Variants in NOS1 observed in about 807,000 individuals in gnomAD.
The protein encoded by NOS1 is NOS type I.
Under a neutral mutation model 164.5 loss-of-function variants are expected in NOS1, and 51 were observed. That is an observed-to-expected ratio of 0.31 (90% confidence interval 0.25 to 0.39). The LOEUF is 0.39. Among genes scored for constraint, NOS1 ranks in the 10% least tolerant of loss-of-function variants. The pLI, the probability that NOS1 is intolerant of heterozygous loss-of-function variation, is 1.00. For synonymous variants in NOS1, 719 were observed against 745.8 expected, an observed-to-expected ratio of 0.96 and a Z score of 0.59; for missense variants, 1,362 against 1,885.6, an observed-to-expected ratio of 0.72 and a Z score of 5.14.
At position 117,217,732 on chromosome 12, in the gene NOS1, G is replaced by A. The variant is rs143963054; in HGVS notation, c.4289+314C>T. 1.2e-3 allele frequency among the ~76,000 whole-genome samples: 187 copies of A among 151,784 alleles called. 1 individual carries two copies. The East Asian group carries it at 0.026, about 21-fold the overall frequency. On this transcript the variant is annotated intron_variant, in intron 28 of 28. Coordinates refer to ENST00000317775, the MANE Select transcript of NOS1 (RefSeq NM_000620.5). ...AAAAAAAAGCAACTTCCCAGAGGTA[G>A]GAGCCATCATTACACTAGGGGGTGC...
chr12:117,359,937 A>G (rs1305174522), intron 1 of NOS1, among the ~76,000 whole-genome samples: 4 of 66,668 alleles, frequency 6.0e-5, no homozygotes, highest in Non-Finnish European at 9.5e-5. Flanking sequence ...TATATATATC[A>G]GCAACACTTC....
At chr12:117,221,130 T>C (rs906797085) in intron 26 of NOS1, among the ~76,000 whole-genome samples, 2 of 146,028 alleles carry the variant, frequency 1.4e-5, no homozygotes, top group Non-Finnish European at 1.5e-5. Context: ...TTAAATTTAT[T>C]TTTATTTATT....
chr12:117,223,222 G>A (rs1014930273), intron 25 of NOS1, among the ~76,000 whole-genome samples: 4 of 151,892 alleles, frequency 2.6e-5, no homozygotes, highest in African/African-American at 9.7e-5. Flanking sequence ...GGAGCTAGAC[G>A]GCCTGGTTGA....
In NOS1 at chr12:117,218,071, C is replaced by G. The variant is rs201476356; in HGVS notation, c.4264G>C (p.Glu1422Gln). ...RLRSESIAFI[E>Q]ESKKDTDEVF... ...TCATCGGTGTCTTTTTTGCTCTCTT[C>G]AATGAAGGCAATGGACTCAGATCTA... The change falls in exon 28 of 29, where the codon GAA (glutamate) becomes CAA (glutamine). Residue 1422 changes from glutamate to glutamine, a missense_variant. Coordinates refer to ENST00000317775, the MANE Select transcript of NOS1 (RefSeq NM_000620.5). 232 of 1,614,004 alleles carry G rather than the reference C, an allele frequency of 1.4e-4. 1 individual carries two copies. In the African/African-American group the frequency reaches 2.8e-3, roughly 20 times the overall value.
At chr12:117,260,702 G>A in intron 13 of NOS1, 93 bp from the exon 14 acceptor site, 1 of 1,364,100 alleles carries the variant, frequency 7.3e-7, no homozygotes, top group South Asian at 1.3e-5. Flanking sequence ...CAGGATCCAT[G>A]AAATATAACA....
chr12:117,319,627 CT>C (rs1874823237), intron 2 of NOS1, among the ~76,000 whole-genome samples: 2 of 152,180 alleles, frequency 1.3e-5, no homozygotes, highest in African/African-American at 4.8e-5. Context: ...GTTAACAGTT[CT>C]GTGGATTTTT....
chr12:117,212,547 T>C lies in NOS1; in HGVS notation c.*2762A>G. 1 of 985,460 alleles carries C rather than the reference T, an allele frequency of 1.0e-6. No homozygotes were observed. Among genetic ancestry groups the C allele is most frequent in the Non-Finnish European group, 1.2e-6 (1 of 829,948 alleles). 61.0% of individuals were successfully genotyped at this position (985,460 alleles called of 1,614,324 possible). On this transcript the variant is annotated 3_prime_UTR_variant, in exon 29 of 29. Coordinates refer to ENST00000317775, the MANE Select transcript of NOS1 (RefSeq NM_000620.5). Reference sequence around the variant, plus strand: ...ATGGCAGGTGAGCATGATGTTCCGGTGTTCCTATTTCAGGAGACGTCTCAT... The same window carrying C: ...ATGGCAGGTGAGCATGATGTTCCGGCGTTCCTATTTCAGGAGACGTCTCAT...
chr12:117,254,267 T>C (rs2682821), intron 16 of NOS1, among the ~76,000 whole-genome samples: 83,346 of 152,000 alleles, frequency 0.55, 25,235 homozygotes, highest in African/African-American at 0.81. Flanking sequence ...GCCAACATGC[T>C]CAGCTAATTT....
rs565345654 is a variant in NOS1 at position 117,291,529 on chromosome 12, C to CTTTTTTT, written c.853-1110_853-1104dup. Among the ~76,000 whole-genome samples the CTTTTTTT allele has an allele frequency of 2.5e-3, 244 of 97,336 alleles. 12 individuals are homozygous for CTTTTTTT. Among genetic ancestry groups the CTTTTTTT allele is most frequent in the East Asian group, 3.5e-3 (10 of 2,842 alleles). The allele number at this position is 97,336 out of a possible 152,430, so 63.9% of individuals were successfully genotyped here. A position where few individuals can be genotyped will look rare whatever the true frequency, so the allele number is the denominator to read the frequency against. On this transcript the variant is annotated intron_variant, in intron 3 of 28. Transcript: ENST00000317775. ...CCTCACTGATAAGGATTACATCTGT[C>CTTTTTTT]TTTTTTTTTTTTTTTTTTTTTTGAG...
In NOS1 at chr12:117,209,896, A is replaced by T. The variant is rs1105026; in HGVS notation, c.*5413T>A. The T allele has an allele frequency of 2.1e-4, 206 of 985,356 alleles. No homozygotes were observed. The highest frequency in any genetic ancestry group is 1.4e-3 in the African/African-American group (80 of 57,274). 61.0% of individuals were successfully genotyped at this position (985,356 alleles called of 1,614,324 possible). ...AAATCCCTGTTCATGGGGAACATCT[A>T]TGTTGACTCCCTGGGAGGCAGGCCC... is the stretch of plus-strand genomic sequence containing the variant. On this transcript the variant is annotated 3_prime_UTR_variant, in exon 29 of 29. Transcript: ENST00000317775.
chr12:117,243,603 CTCCTTCCCTTCT>C lies in NOS1; in HGVS notation c.2824-180_2824-169del, dbSNP rs1870375323. On this transcript the variant is annotated intron_variant, in intron 18 of 28. Coordinates refer to ENST00000317775, the MANE Select transcript of NOS1 (RefSeq NM_000620.5). The surrounding 1 kb of genome is among the most constrained non-coding windows in gnomAD (Gnocchi z 4.3). ...CATCCATCCATCCAGTAACCCTTCC[CTCCTTCCCTTCT>C]TCCTTCCCTTCCTTTCTTCCCTCTA... Among the ~76,000 whole-genome samples, 1 of 134,472 alleles carries C rather than the reference CTCCTTCCCTTCT, an allele frequency of 7.4e-6. No individual in the cohort carries two copies. Among genetic ancestry groups the C allele is most frequent in the Non-Finnish European group, 1.6e-5 (1 of 63,428 alleles). The allele number at this position is 134,472 out of a possible 152,430, so 88.2% of individuals were successfully genotyped here. A position where few individuals can be genotyped will look rare whatever the true frequency, so the allele number is the denominator to read the frequency against.
At chr12:117,229,455 G>A (rs1406179516) in intron 22 of NOS1, among the ~76,000 whole-genome samples, 1 of 151,552 alleles carries the variant, frequency 6.6e-6, no homozygotes, top group Non-Finnish European at 1.5e-5. Flanking sequence ...TCCATTTTCT[G>A]TCACACAGGT....
At chr12:117,312,643 G>A (rs1370969666) in intron 2 of NOS1, among the ~76,000 whole-genome samples, 3 of 150,420 alleles carry the variant, frequency 2.0e-5, no homozygotes, top group Non-Finnish European at 3.0e-5. Flanking sequence ...GGCTGGTCTC[G>A]AACTCCTTGG....
intron 25 of NOS1, among the ~76,000 whole-genome samples, 161 bp from the exon 26 acceptor site, chr12:117,223,024 C>A (rs1421258825): frequency 6.6e-6 from 1 of 152,192 alleles, no homozygotes; most frequent in Non-Finnish European, 1.5e-5. Context: ...CACATGTACA[C>A]AGGTGCTCAC....
intron 4 of NOS1, 87 bp downstream of exon 4, chr12:117,290,211 G>T: frequency 6.6e-7 from 1 of 1,504,340 alleles, no homozygotes; most frequent in East Asian, 2.3e-5. Flanking sequence ...ACAGAGGACA[G>T]CCCCCACAAC....
chr12:117,283,855 CAAAA>C (rs61448842), intron 7 of NOS1, among the ~76,000 whole-genome samples: 5 of 63,712 alleles, frequency 7.8e-5, no homozygotes, highest in African/African-American at 1.3e-4. Context: ...GACTCTGTCT[CAAAA>C]AAAAAAAAAA....
At chr12:117,221,435 C>T (rs921104369) in intron 26 of NOS1, among the ~76,000 whole-genome samples, 15 of 151,830 alleles carry the variant, frequency 9.9e-5, no homozygotes, top group African/African-American at 3.4e-4. Context: ...AAGAATGTGC[C>T]ACCGCGCCCA....
In NOS1 at chr12:117,234,752, T is replaced by C; in HGVS notation, c.3048A>G (p.Ser1016=). 6.2e-7 allele frequency: 1 copy of C among 1,607,582 alleles called. No homozygotes were observed. The highest frequency in any genetic ancestry group is 8.5e-7 in the Non-Finnish European group (1 of 1,175,058). The part of the protein sequence containing the change: ...QNLQSPKSSR[S]TIFVRLHTNG... ...TGGTGTGGAGACGCACGAAGATAGT[T>C]GACCGACTGCAGGAAATTGCAGAGG... Residue 1016 remains serine (S), a synonymous_variant, in exon 21 of 29, where the codon TCA becomes TCG. Transcript: ENST00000317775. The surrounding 1 kb of genome is among the most constrained non-coding windows in gnomAD (Gnocchi z 4.3).
chr12:117,300,241 G>A (rs1200605762), intron 3 of NOS1, among the ~76,000 whole-genome samples: 2 of 152,152 alleles, frequency 1.3e-5, no homozygotes, highest in Admixed American at 6.6e-5. Flanking sequence ...TTTGGGAAAA[G>A]CATTTCAATA....
Sources: gnomAD v4.1 joint callset for allele counts (sites outside exome capture counted in the v4.1 genomes callset) on GRCh38, gnomAD v4.1.1 for gene constraint, Gnocchi (gnomAD v3.1) non-coding constraint, MANE v1.5 for transcripts, NCBI Gene and HGNC (gene_info 2026-07-23, HGNC 2026-07-21) for gene names.